Variants in WDFY4 observed in about 807,000 individuals in gnomAD.
WDFY4 encodes the protein WDFY family member 4, also known as WD repeat- and FYVE domain-containing protein 4.
Under a neutral mutation model 351.9 loss-of-function variants are expected in WDFY4, and 169 were observed. That is an observed-to-expected ratio of 0.48 (90% CI 0.42 to 0.55). WDFY4 has a LOEUF of 0.55. WDFY4 is among the 20% of genes least tolerant of loss of function. The pLI, the probability that WDFY4 is intolerant of heterozygous loss-of-function variation, is 0.00. For synonymous variants in WDFY4, 1,622 were observed against 1,574.6 expected, an observed-to-expected ratio of 1.03 and a Z score of -0.71; for missense variants, 3,803 against 3,935.6, an observed-to-expected ratio of 0.97 and a Z score of 0.90.
At chr10:48,720,669 A>G (rs1366149649) in intron 3 of WDFY4, among the ~76,000 whole-genome samples, 1 of 152,040 alleles carries the variant, frequency 6.6e-6, no homozygotes, top group Non-Finnish European at 1.5e-5. Context: ...CACACAGAAC[A>G]CACGGGACCA....
chr10:48,770,003 G>A lies in WDFY4; in HGVS notation c.2554-4455G>A, dbSNP rs531042550. Among the ~76,000 whole-genome samples the A allele has an allele frequency of 3.2e-4, 48 of 152,308 alleles. 1 individual carries two copies. In the South Asian group the frequency reaches 6.2e-3, roughly 20 times the overall value. ...GTCTCCTGCGTTGGAAGTAATATGCGTTAGGAAAATCAATCCATTTGTAGG... is the reference window on the plus strand; with the variant it reads ...GTCTCCTGCGTTGGAAGTAATATGCATTAGGAAAATCAATCCATTTGTAGG... On this transcript the variant is annotated intron_variant, in intron 13 of 61. Coordinates refer to ENST00000325239, the MANE Select transcript of WDFY4 (RefSeq NM_001394531.1).
chr10:48,780,031 A>G lies in WDFY4; in HGVS notation c.3488A>G (p.His1163Arg). ...CAGCTCCTGGCTTGTGGTCAGTGGC[A>G]TCACTTGGCTGTGGTTGTCACTAAG... Reference protein sequence around the residue: ...CGQLLACGQWHHLAVVVTKEM... With the variant: ...CGQLLACGQWRHLAVVVTKEM... Residue 1163 changes from histidine to arginine, a missense_variant, in exon 19 of 62, where the codon CAT becomes CGT. By Grantham distance (29) the His-to-Arg change is conservative. This residue lies in a region of WDFY4 where 3,054 missense variants were observed against 3,148.6 expected (regional missense o/e 0.97). Transcript: ENST00000325239. 6.4e-7 allele frequency: 1 copy of G among 1,551,908 alleles called. No homozygotes were observed. Among genetic ancestry groups the G allele is most frequent in the Non-Finnish European group, 8.7e-7 (1 of 1,147,042 alleles).
At position 48,768,962 on chromosome 10, in the gene WDFY4, T is replaced by C. The variant is rs139239669; in HGVS notation, c.2554-5496T>C. On this transcript the variant is annotated intron_variant, in intron 13 of 61. Coordinates refer to ENST00000325239, the MANE Select transcript of WDFY4 (RefSeq NM_001394531.1). ...TGGTGTTTAGCAGAAGCTGAGACTG[T>C]CACTACGGCTGCAGTACAGAGGGGA... is the stretch of plus-strand genomic sequence containing the variant. Among the ~76,000 whole-genome samples, 733 of 152,230 alleles carry C rather than the reference T, an allele frequency of 4.8e-3. 11 individuals are homozygous for C. The highest frequency in any genetic ancestry group is 0.017 in the African/African-American group (705 of 41,530).
At position 48,810,584 on chromosome 10, in the gene WDFY4, G is replaced by C; in HGVS notation, c.4893G>C (p.Leu1631=). The C allele has an allele frequency of 6.4e-7, 1 of 1,551,692 alleles. No individual in the cohort carries two copies. Among genetic ancestry groups the C allele is most frequent in the Non-Finnish European group, 8.7e-7 (1 of 1,146,990 alleles). The change falls in exon 29 of 62, where the codon CTG becomes CTC. Residue 1631 remains leucine, a synonymous_variant. Transcript: ENST00000325239. The stretch of plus-strand genomic sequence containing the variant: ...GGCCTGACTGGTTCCTGCTGCTCCT[G>C]CAGGGCCACCTGCATGCCAGCACCA... ...KLGPDWFLLL[L]QGHLHASTTV...
In WDFY4 at chr10:48,824,195, G is replaced by A. The variant is rs993008128; in HGVS notation, c.5982+1658G>A. The A allele has an allele frequency of 2.9e-5, 29 of 985,228 alleles. No individual in the cohort carries two copies. In the African/African-American group the frequency reaches 5.1e-4, roughly 17 times the overall value. The allele number at this position is 985,228 out of a possible 1,614,324, so 61.0% of individuals were successfully genotyped here. A position where few individuals can be genotyped will look rare whatever the true frequency, so the allele number is the denominator to read the frequency against. ...AGATGATATGGTGGTTAAGAGCGTG[G>A]CTTAAGTGTCCAGTGTGTGTTTGAC... On this transcript the variant is annotated intron_variant, in intron 35 of 61. Coordinates refer to ENST00000325239, the MANE Select transcript of WDFY4 (RefSeq NM_001394531.1).
intron 12 of WDFY4, among the ~76,000 whole-genome samples, chr10:48,750,914 A>T (rs956604528): frequency 1.3e-5 from 2 of 152,274 alleles, no homozygotes; most frequent in Non-Finnish European, 2.9e-5. Flanking sequence ...GTGAATGGTC[A>T]CTGAGTAGAA....
intron 31 of WDFY4, among the ~76,000 whole-genome samples, chr10:48,814,521 C>G (rs897615248): frequency 6.6e-6 from 1 of 152,152 alleles, no homozygotes; most frequent in South Asian, 2.1e-4. Context: ...TTAATTTGAG[C>G]CTTCAAGGTC....
chr10:48,895,423 G>A (rs1837027510), intron 44 of WDFY4, among the ~76,000 whole-genome samples: 1 of 152,216 alleles, frequency 6.6e-6, no homozygotes, highest in South Asian at 2.1e-4. Context: ...CCACCTTGGG[G>A]CAGGGGCCTT....
chr10:48,771,235 A>G (rs1033763393), intron 13 of WDFY4, among the ~76,000 whole-genome samples: 1 of 152,202 alleles, frequency 6.6e-6, no homozygotes, highest in African/African-American at 2.4e-5. Flanking sequence ...TGTGCTACAA[A>G]ACTGTGTTAG....
chr10:48,722,121 C>T (rs1172524820), intron 4 of WDFY4, among the ~76,000 whole-genome samples: 1 of 152,144 alleles, frequency 6.6e-6, no homozygotes, highest in South Asian at 2.1e-4. Context: ...CATTTGCAGC[C>T]GTGCTTGGAA....
At chr10:48,889,830 G>A (rs1425775157) in intron 43 of WDFY4, among the ~76,000 whole-genome samples, 2 of 152,202 alleles carry the variant, frequency 1.3e-5, no homozygotes, top group Admixed American at 1.3e-4. Flanking sequence ...GCTGATTCCA[G>A]AGCAGCTCTA....
chr10:48,847,706 T>C (rs949910861), intron 39 of WDFY4, among the ~76,000 whole-genome samples: 61 of 152,198 alleles, frequency 4.0e-4, no homozygotes, highest in African/African-American at 1.4e-3. Flanking sequence ...GGAGAGAAGA[T>C]GGCTTCCTTG....
chr10:48,965,345 C>G (rs370485710), intron 54 of WDFY4, among the ~76,000 whole-genome samples: 8 of 152,308 alleles, frequency 5.3e-5, no homozygotes, highest in African/African-American at 1.9e-4. Flanking sequence ...GTGTCCCAGT[C>G]TGAAGACAAG....
intron 12 of WDFY4, among the ~76,000 whole-genome samples, chr10:48,751,049 C>T (rs1420426903): frequency 6.6e-6 from 1 of 152,182 alleles, no homozygotes; most frequent in Non-Finnish European, 1.5e-5. Context: ...AGTTGTCCTG[C>T]AACTGCTTCA....
At chr10:48,911,651 A>G (rs868757610) in intron 47 of WDFY4, among the ~76,000 whole-genome samples, 1 of 152,234 alleles carries the variant, frequency 6.6e-6, no homozygotes, top group African/African-American at 2.4e-5. Context: ...CAGGAATGCT[A>G]TAATTTTAAC....
chr10:48,835,438 G>A (rs184811019), intron 39 of WDFY4, among the ~76,000 whole-genome samples: 1 of 152,224 alleles, frequency 6.6e-6, no homozygotes, highest in Admixed American at 6.5e-5. Flanking sequence ...GCACTGAGGT[G>A]CATGTGTGCT....
chr10:48,743,076 G>A lies in WDFY4; in HGVS notation c.1987G>A (p.Glu663Lys), dbSNP rs1394248886. The A allele has an allele frequency of 1.3e-6, 2 of 1,551,540 alleles. No homozygotes were observed. Among genetic ancestry groups the A allele is most frequent in the Non-Finnish European group, 1.7e-6 (2 of 1,146,992 alleles). Residue 663 changes from glutamate to lysine, a missense_variant, in exon 12 of 62, where the codon GAG becomes AAG. Glu to Lys is a moderately conservative substitution (Grantham distance 56). This residue lies in a region of WDFY4 where 3,054 missense variants were observed against 3,148.6 expected (regional missense o/e 0.97). Transcript: ENST00000325239. ...LLSDLEGSLQEPPLQAWGAVS... is the reference protein window; with the variant it reads ...LLSDLEGSLQKPPLQAWGAVS... The stretch of plus-strand genomic sequence containing the variant: ...CTCTGACCTGGAAGGCTCCCTCCAG[G>A]AGCCCCCGCTGCAGGCATGGGGAGC...
intron 29 of WDFY4, among the ~76,000 whole-genome samples, 198 bp downstream of exon 29, chr10:48,810,933 G>A (rs2067424739): frequency 6.6e-6 from 1 of 152,150 alleles, no homozygotes; most frequent in Non-Finnish European, 1.5e-5. Flanking sequence ...CAGCCTCACT[G>A]CACAGACACT....
At chr10:48,886,726 A>T (rs1172633609) in intron 43 of WDFY4, among the ~76,000 whole-genome samples, 2 of 152,226 alleles carry the variant, frequency 1.3e-5, no homozygotes, top group East Asian at 3.9e-4. Context: ...ATGGACTAAG[A>T]CACCTTCTAA....
Sources: allele counts gnomAD v4.1 joint callset (sites outside exome capture counted in the v4.1 genomes callset), GRCh38; gene constraint gnomAD v4.1.1; regional missense constraint gnomAD v4.1.1; transcripts MANE v1.5; gene names NCBI Gene and HGNC (gene_info 2026-07-23, HGNC 2026-07-21).